CADM2: variants seen among roughly 807,000 people sequenced by gnomAD.
CADM2 encodes the protein immunoglobulin superfamily member 4D.
CADM2 carries 12 observed loss-of-function variants against 49.8 expected under a neutral mutation model. The ratio of observed to expected loss-of-function variants is 0.24; its 90% CI spans 0.15 to 0.39. The LOEUF (loss-of-function observed/expected upper bound fraction) is 0.39, where lower values mean the gene tolerates loss of function less well. Ranked by LOEUF, CADM2 falls within the 10% of genes least tolerant of loss-of-function variation. CADM2 has a pLI of 1.00. For synonymous variants in CADM2, 214 were observed against 175.4 expected (o/e 1.22, Z -1.74); for missense variants, 378 against 492.3 (o/e 0.77, Z 2.20).
At position 85,192,824 on chromosome 3, in the gene CADM2, A is replaced by G. The variant is rs112377234; in HGVS notation, c.61+233156A>G. Reference sequence around the variant, plus strand: ...TAATGTTAGATAACAGAGAAATAAGATGGGTATATTTACAAGGGCCTTAAA... The same window carrying G: ...TAATGTTAGATAACAGAGAAATAAGGTGGGTATATTTACAAGGGCCTTAAA... On this transcript the variant is annotated intron_variant, in intron 1 of 9. Transcript: ENST00000383699. Among the ~76,000 whole-genome samples the G allele has an allele frequency of 2.1e-3, 318 of 152,080 alleles. 1 individual carries two copies. The highest frequency in any genetic ancestry group is 7.2e-3 in the African/African-American group (301 of 41,530).
rs752550127 is a variant in CADM2 at position 85,897,241 on chromosome 3, C to CTTTTTTTTTTTTTTT, written c.529+10939_529+10953dup. 1.1e-4 allele frequency among the ~76,000 whole-genome samples: 5 copies of CTTTTTTTTTTTTTTT among 45,924 alleles called. 1 individual carries two copies. Among genetic ancestry groups the CTTTTTTTTTTTTTTT allele is most frequent in the Admixed American group, 3.3e-4 (1 of 3,044 alleles). 30.1% of individuals were successfully genotyped at this position (45,924 alleles called of 152,430 possible). ...CAACAATAATTGCTTTAACCTACAT[C>CTTTTTTTTTTTTTTT]TTTTTTTTTTTTTTTTTTTTTTTTT... On this transcript the variant is annotated intron_variant, in intron 5 of 9. Transcript: ENST00000383699.
chr3:84,960,818 G>T (rs760583881), intron 1 of CADM2, among the ~76,000 whole-genome samples: 10 of 152,170 alleles, frequency 6.6e-5, no homozygotes, highest in Non-Finnish European at 1.3e-4. Context: ...GCAATGCATA[G>T]TACAGGAGTG....
At chr3:85,845,859 T>C (rs2108276602) in intron 3 of CADM2, among the ~76,000 whole-genome samples, 2 of 152,308 alleles carry the variant, frequency 1.3e-5, no homozygotes, top group Middle Eastern at 6.8e-3. Context: ...TATTTGGTTT[T>C]CTTCAGGGAA....
chr3:85,674,753 A>G (rs1415311423), intron 1 of CADM2, among the ~76,000 whole-genome samples: 2 of 152,126 alleles, frequency 1.3e-5, no homozygotes, highest in South Asian at 2.1e-4. Context: ...ATTTGCCTGA[A>G]AAGTTGATCA....
At chr3:85,370,431 T>C (rs1004736307) in intron 1 of CADM2, among the ~76,000 whole-genome samples, 2 of 141,082 alleles carry the variant, frequency 1.4e-5, no homozygotes, top group Admixed American at 7.1e-5. Flanking sequence ...CAAAATAAAA[T>C]AAAAGAAAAT....
At chr3:85,452,808 T>C (rs1003164056) in intron 1 of CADM2, among the ~76,000 whole-genome samples, 2 of 152,286 alleles carry the variant, frequency 1.3e-5, no homozygotes, top group Admixed American at 6.5e-5. Context: ...ATTTTGGAAG[T>C]GTAATAAAGT....
intron 1 of CADM2, among the ~76,000 whole-genome samples, chr3:85,260,303 G>C (rs1250486610): frequency 2.0e-5 from 3 of 152,032 alleles, no homozygotes; most frequent in Middle Eastern, 3.2e-3. Context: ...GACACACACA[G>C]AAGGAACAAT....
intron 1 of CADM2, among the ~76,000 whole-genome samples, chr3:85,122,519 CTT>C (rs952983974): frequency 1.3e-5 from 2 of 152,074 alleles, no homozygotes; most frequent in Admixed American, 1.3e-4. Context: ...ATCCATTACT[CTT>C]TATTTCTCTT....
intron 1 of CADM2, among the ~76,000 whole-genome samples, chr3:85,436,354 C>T (rs1227735009): frequency 1.3e-5 from 2 of 152,106 alleles, no homozygotes; most frequent in Non-Finnish European, 2.9e-5. Context: ...AATATACGAT[C>T]ATGTCATCTG....
intron 1 of CADM2, among the ~76,000 whole-genome samples, chr3:85,455,546 G>A (rs868590228): frequency 6.6e-6 from 1 of 152,110 alleles, no homozygotes; most frequent in East Asian, 1.9e-4. Flanking sequence ...TGATAGCATG[G>A]GAAAAATATG....
chr3:85,449,397 T>C (rs1167962157), intron 1 of CADM2, among the ~76,000 whole-genome samples: 2 of 152,060 alleles, frequency 1.3e-5, no homozygotes, highest in African/African-American at 4.8e-5. Flanking sequence ...ACTATCAATG[T>C]ATAAAGACGC....
chr3:85,648,018 A>G (rs566019325), intron 1 of CADM2, among the ~76,000 whole-genome samples: 1 of 151,894 alleles, frequency 6.6e-6, no homozygotes, highest in East Asian at 1.9e-4. Context: ...TTTATGTGCA[A>G]TTGAAATGAG....
chr3:85,715,933 CTT>C (rs1333125791), intron 1 of CADM2, among the ~76,000 whole-genome samples: 1 of 152,150 alleles, frequency 6.6e-6, no homozygotes, highest in African/African-American at 2.4e-5. Flanking sequence ...GGTTCCAAGT[CTT>C]TGCTATTGTG....
intron 8 of CADM2, chr3:86,014,719 G>A (rs1731990900): frequency 1.3e-6 from 2 of 1,516,748 alleles, no homozygotes; most frequent in East Asian, 2.3e-5. Context: ...GCTGACATGT[G>A]TAGAAGTGAC....
chr3:85,958,422 T>G (rs1409501251), intron 7 of CADM2, among the ~76,000 whole-genome samples: 7 of 151,950 alleles, frequency 4.6e-5, no homozygotes, highest in Non-Finnish European at 8.8e-5. Flanking sequence ...AGAAACACCA[T>G]TTAACCCAGC....
chr3:85,291,268 C>A (rs1470413299), intron 1 of CADM2, among the ~76,000 whole-genome samples: 1 of 151,822 alleles, frequency 6.6e-6, no homozygotes, highest in East Asian at 1.9e-4. Flanking sequence ...AGCAAAGCCT[C>A]CAAGAAATAT....
chr3:85,522,158 G>T (rs2061038762), intron 1 of CADM2, among the ~76,000 whole-genome samples: 1 of 151,898 alleles, frequency 6.6e-6, no homozygotes, highest in Non-Finnish European at 1.5e-5. Context: ...TTTCTGTTAG[G>T]TGATAGGCAG....
At chr3:86,020,224 C>G (rs1732947557) in intron 8 of CADM2, among the ~76,000 whole-genome samples, 1 of 151,964 alleles carries the variant, frequency 6.6e-6, no homozygotes. Context: ...GGCAAATAAA[C>G]TAGAAAATCT....
At chr3:85,394,401 G>A (rs1217873461) in intron 1 of CADM2, among the ~76,000 whole-genome samples, 1 of 151,892 alleles carries the variant, frequency 6.6e-6, no homozygotes, top group Admixed American at 6.6e-5. Flanking sequence ...ATATTTCACA[G>A]GTAATATTTT....
Sources: allele counts gnomAD v4.1 joint callset (sites outside exome capture counted in the v4.1 genomes callset), GRCh38; gene constraint gnomAD v4.1.1; transcripts MANE v1.5; gene names NCBI Gene and HGNC (gene_info 2026-07-23, HGNC 2026-07-21).